The following PRKCB variants were observed in gnomAD, a reference collection of about 807,000 sequenced individuals.
PRKCB encodes the protein protein kinase C beta, also known as protein kinase C beta type.
A neutral mutation model predicts 81.5 loss-of-function variants in PRKCB; 13 were observed. The observed-to-expected ratio is 0.16, with a 90% confidence interval of 0.10 to 0.25. PRKCB has a LOEUF of 0.25. Ranked by LOEUF, PRKCB falls within the 10% of genes least tolerant of loss-of-function variation. PRKCB has a pLI of 1.00. For synonymous variants in PRKCB, 335 were observed against 321.4 expected (o/e 1.04, Z -0.45); for missense variants, 509 against 875.7 (o/e 0.58, Z 5.29).
chr16:23,927,397 A>G (rs1467215142), intron 2 of PRKCB, among the ~76,000 whole-genome samples: 1 of 152,144 alleles, frequency 6.6e-6, no homozygotes, highest in African/African-American at 2.4e-5. Context: ...AAGCTCAGAG[A>G]AAAGGAAGTA....
At chr16:23,973,520 C>A (rs1427435869) in intron 2 of PRKCB, among the ~76,000 whole-genome samples, 1 of 151,858 alleles carries the variant, frequency 6.6e-6, no homozygotes, top group Non-Finnish European at 1.5e-5. Context: ...CATTTAATCC[C>A]AGCAACTCTA....
intron 9 of PRKCB, among the ~76,000 whole-genome samples, chr16:24,148,050 A>G (rs1402861565): frequency 6.6e-6 from 1 of 152,156 alleles, no homozygotes; most frequent in African/African-American, 2.4e-5. Context: ...TACATCTCAG[A>G]GAGATGGGAG....
chr16:23,912,331 T>C (rs1311412732), intron 2 of PRKCB, among the ~76,000 whole-genome samples: 3 of 152,022 alleles, frequency 2.0e-5, no homozygotes, highest in Non-Finnish European at 2.9e-5. Context: ...CCTCTCATAG[T>C]GCAGCCTCAC....
At chr16:24,012,791 G>GCC (rs1965221392) in intron 3 of PRKCB, among the ~76,000 whole-genome samples, 1 of 152,210 alleles carries the variant, frequency 6.6e-6, no homozygotes. Context: ...TCCTACTCAT[G>GCC]AGGCCCTGCG....
In PRKCB at chr16:24,079,984, A is replaced by G. The variant is rs192606042; in HGVS notation, c.530-12807A>G. 3.0e-3 allele frequency among the ~76,000 whole-genome samples: 455 copies of G among 152,352 alleles called. 5 individuals carry two copies. The highest frequency in any genetic ancestry group is 0.01 in the African/African-American group (436 of 41,586). On this transcript the variant is annotated intron_variant, in intron 5 of 16. Transcript: ENST00000643927. The stretch of plus-strand genomic sequence containing the variant: ...TTTCGTCATTTTTTAAGATAATTAT[A>G]TAGTTTTTCTCCTTTGACCTAGTTT...
chr16:24,205,769 T>C (rs945819007), intron 16 of PRKCB, among the ~76,000 whole-genome samples: 2 of 152,254 alleles, frequency 1.3e-5, no homozygotes, highest in Non-Finnish European at 2.9e-5. Context: ...TTTGCTCTCA[T>C]GTGGCTTACA....
At position 24,219,320 on chromosome 16, in the gene PRKCB, T is replaced by G; in HGVS notation, c.*4504T>G. The G allele has an allele frequency of 1.0e-6, 1 of 955,852 alleles. No homozygotes were observed. The highest frequency in any genetic ancestry group is 1.2e-6 in the Non-Finnish European group (1 of 820,608). The allele number at this position is 955,852 out of a possible 1,614,324, so 59.2% of individuals were successfully genotyped here. A position where few individuals can be genotyped will look rare whatever the true frequency, so the allele number is the denominator to read the frequency against. ...TCCTTTAAGCTTTGGGTTTTCTCTC[T>G]TATAGTTTGTTGACACATGCTAAAA... On this transcript the variant is annotated 3_prime_UTR_variant, in exon 17 of 17. Coordinates refer to ENST00000643927, the MANE Select transcript of PRKCB (RefSeq NM_002738.7).
chr16:24,173,084 T>C (rs918378546), intron 11 of PRKCB, among the ~76,000 whole-genome samples: 1 of 152,070 alleles, frequency 6.6e-6, no homozygotes, highest in East Asian at 1.9e-4. Flanking sequence ...CCATGTTCTT[T>C]ATCTTACACC....
intron 13 of PRKCB, among the ~76,000 whole-genome samples, chr16:24,181,915 A>G (rs1307962844): frequency 1.3e-5 from 2 of 152,170 alleles, no homozygotes; most frequent in Non-Finnish European, 2.9e-5. Context: ...CTGATTTTAT[A>G]ACACTGGTTA....
intron 2 of PRKCB, among the ~76,000 whole-genome samples, chr16:23,935,935 C>T (rs376373586): frequency 5.9e-5 from 9 of 152,288 alleles, no homozygotes; most frequent in African/African-American, 1.4e-4. Flanking sequence ...GCCAGGGTGA[C>T]GGGATCTGTA....
chr16:24,001,691 A>G (rs1416245395), intron 3 of PRKCB, among the ~76,000 whole-genome samples: 1 of 152,200 alleles, frequency 6.6e-6, no homozygotes, highest in Non-Finnish European at 1.5e-5. Context: ...CCAGACAAAT[A>G]TGTTTCATGG....
At position 23,950,141 on chromosome 16, in the gene PRKCB, T is replaced by TC. The variant is rs1265972212; in HGVS notation, c.206-38367_206-38366insC. On this transcript the variant is annotated intron_variant, in intron 2 of 16. Coordinates refer to ENST00000643927, the MANE Select transcript of PRKCB (RefSeq NM_002738.7). ...GGCCCCTATGATTTGAATTTTTTTT[T>TC]TTTTTTTTTTTTTTTTTCTGTTGAT... Among the ~76,000 whole-genome samples, 149 of 143,752 alleles carry TC rather than the reference T, an allele frequency of 1.0e-3. 9 individuals carry two copies. Among genetic ancestry groups the TC allele is most frequent in the Non-Finnish European group, 2.0e-3 (132 of 65,494 alleles). The allele number at this position is 143,752 out of a possible 152,430, so 94.3% of individuals were successfully genotyped here.
chr16:23,959,230 G>T (rs1052855632), intron 2 of PRKCB, among the ~76,000 whole-genome samples: 2 of 152,160 alleles, frequency 1.3e-5, no homozygotes, highest in Non-Finnish European at 2.9e-5. Context: ...CCTGCTGTGC[G>T]CCGAGCTGTA....
intron 5 of PRKCB, among the ~76,000 whole-genome samples, chr16:24,043,651 C>T (rs1020455747): frequency 6.6e-6 from 1 of 152,052 alleles, no homozygotes; most frequent in Non-Finnish European, 1.5e-5. Context: ...GGGAAGCTGA[C>T]GTCTTGCTAT....
chr16:23,983,321 G>T (rs1964762219), intron 2 of PRKCB, among the ~76,000 whole-genome samples: 1 of 152,196 alleles, frequency 6.6e-6, no homozygotes, highest in South Asian at 2.1e-4. Context: ...TGCACCAGAA[G>T]CTCATGAGGT....
chr16:23,960,811 A>G (rs553884490), intron 2 of PRKCB, among the ~76,000 whole-genome samples: 1 of 152,376 alleles, frequency 6.6e-6, no homozygotes, highest in South Asian at 2.1e-4. Context: ...CACCTCTCAC[A>G]GAAGCTGTTT....
chr16:24,049,052 T>TTTTTTTG (rs1965802777), intron 5 of PRKCB, among the ~76,000 whole-genome samples: 1 of 130,532 alleles, frequency 7.7e-6, no homozygotes, highest in Non-Finnish European at 1.6e-5. Context: ...GGCCTGTTTT[T>TTTTTTTG]TTTTTTTTTT....
chr16:24,077,005 C>T (rs988824413), intron 5 of PRKCB, among the ~76,000 whole-genome samples: 1 of 152,226 alleles, frequency 6.6e-6, no homozygotes, highest in Non-Finnish European at 1.5e-5. Flanking sequence ...GCTCTTCCCA[C>T]AGTCCCAGCT....
chr16:23,913,301 G>C (rs1482460787), intron 2 of PRKCB, among the ~76,000 whole-genome samples: 4 of 151,820 alleles, frequency 2.6e-5, no homozygotes, highest in Non-Finnish European at 4.4e-5. Context: ...CTTTCCTTCA[G>C]CCAGACCGAC....
Sources: allele counts gnomAD v4.1 joint callset (sites outside exome capture counted in the v4.1 genomes callset), GRCh38; gene constraint gnomAD v4.1.1; transcripts MANE v1.5; gene names NCBI Gene and HGNC (gene_info 2026-07-23, HGNC 2026-07-21).